MXRA7: variants seen among roughly 807,000 people sequenced by gnomAD.
MXRA7 encodes matrix-remodeling-associated protein 7.
MXRA7 carries 18 observed loss-of-function variants against 17.4 expected under a neutral mutation model. The ratio of observed to expected loss-of-function variants is 1.03; its 90% CI spans 0.71 to 1.53. The LOEUF is 1.53. MXRA7 is among the 40% of genes most tolerant of loss of function. The pLI, the probability that MXRA7 is intolerant of heterozygous loss-of-function variation, is 0.00. For missense variants in MXRA7, 141 were observed against 209.3 expected (o/e 0.67, Z 2.01); for synonymous variants, 70 against 101.7 (o/e 0.69, Z 1.87).
chr17:76,695,639 C>T lies in MXRA7; in HGVS notation c.343-7463G>A, dbSNP rs182491772. ...GGCCTCAGAGTGGATGAGAAAGCCA[C>T]GCTGGGTCCGAGATGGGCTTGCCAG... On this transcript the variant is annotated intron_variant, in intron 1 of 3. Coordinates refer to ENST00000449428, the MANE Select transcript of MXRA7 (RefSeq NM_198530.4). Among the ~76,000 whole-genome samples, 8 of 152,224 alleles carry T rather than the reference C, an allele frequency of 5.3e-5. No homozygotes were observed. In the East Asian group the frequency reaches 1.4e-3, roughly 26 times the overall value.
At chr17:76,700,218 C>T (rs1158575449) in intron 1 of MXRA7, among the ~76,000 whole-genome samples, 4 of 152,084 alleles carry the variant, frequency 2.6e-5, no homozygotes, top group Non-Finnish European at 4.4e-5. Context: ...GTGATCTGCT[C>T]GCCTCAGCCT....
At chr17:76,697,255 A>C (rs2076542174) in intron 1 of MXRA7, among the ~76,000 whole-genome samples, 3 of 152,148 alleles carry the variant, frequency 2.0e-5, no homozygotes, top group Non-Finnish European at 4.4e-5. Context: ...CAGAGGAAAG[A>C]CCATGTGAGG....
intron 3 of MXRA7, among the ~76,000 whole-genome samples, chr17:76,683,574 G>A (rs1476644658): frequency 6.6e-6 from 1 of 152,184 alleles, no homozygotes; most frequent in African/African-American, 2.4e-5. Context: ...GCCTTGCGAG[G>A]GGGCGCTAGC....
intron 1 of MXRA7, among the ~76,000 whole-genome samples, chr17:76,693,157 C>T (rs183792748): frequency 6.6e-6 from 1 of 152,168 alleles, no homozygotes; most frequent in Non-Finnish European, 1.5e-5. Flanking sequence ...TCTGGGGACA[C>T]CCCTGTATCC....
chr17:76,688,456 G>A (rs2076434002), intron 1 of MXRA7: 3 of 1,352,174 alleles, frequency 2.2e-6, no homozygotes, highest in East Asian at 5.7e-5. Flanking sequence ...TGCCTGTTGA[G>A]GCTTCTGTGT....
chr17:76,693,910 A>T (rs1375296269), intron 1 of MXRA7, among the ~76,000 whole-genome samples: 2 of 152,348 alleles, frequency 1.3e-5, no homozygotes, highest in East Asian at 3.9e-4. Context: ...TATATACAGG[A>T]TGTAATTTAA....
chr17:76,681,722 G>A lies in MXRA7; in HGVS notation c.501-843C>T, dbSNP rs1412961855. ...TTTTCCCTCTGAGACCACAAGGTGGGAAGAAGTGATGGAGAGGAGCTGACA... is the reference window on the plus strand; with the variant it reads ...TTTTCCCTCTGAGACCACAAGGTGGAAAGAAGTGATGGAGAGGAGCTGACA... On this transcript the variant is annotated intron_variant, in intron 3 of 3. Coordinates refer to ENST00000449428, the MANE Select transcript of MXRA7 (RefSeq NM_198530.4). The surrounding 1 kb of genome is among the most constrained non-coding windows in gnomAD (Gnocchi z 4.7). Among the ~76,000 whole-genome samples the A allele has an allele frequency of 1.3e-5, 2 of 152,206 alleles. No homozygotes were observed. Among genetic ancestry groups the A allele is most frequent in the African/African-American group, 4.8e-5 (2 of 41,454 alleles).
downstream of MXRA7, among the ~76,000 whole-genome samples, chr17:76,678,283 A>G (rs1273445174): frequency 1.3e-5 from 2 of 152,198 alleles, no homozygotes; most frequent in Non-Finnish European, 2.9e-5. Context: ...AAGATACCCT[A>G]TGGCAGGTGG....
intron 3 of MXRA7, 64 bp from the exon 4 acceptor site, chr17:76,680,943 A>G: frequency 7.5e-7 from 1 of 1,336,526 alleles, no homozygotes; most frequent in East Asian, 2.4e-5. Context: ...CACCATGGGC[A>G]AGGAAAGGGG....
chr17:76,676,210 C>T (rs182958316), downstream of MXRA7: 4 of 152,328 alleles, frequency 2.6e-5, no homozygotes, highest in African/African-American at 9.6e-5. Context: ...TCTTTCCCTG[C>T]ACACAGGCTT....
intron 1 of MXRA7, 145 bp downstream of exon 1, chr17:76,710,460 C>T (rs1358351897): frequency 1.8e-5 from 11 of 626,020 alleles, no homozygotes; most frequent in Admixed American, 4.8e-5. Flanking sequence ...GCGGGACCTG[C>T]ATTTCCTGCG....
intron 1 of MXRA7, among the ~76,000 whole-genome samples, chr17:76,693,572 G>A (rs1170833892): frequency 6.6e-6 from 1 of 151,666 alleles, no homozygotes; most frequent in Non-Finnish European, 1.5e-5. Context: ...GGGGCCAGGT[G>A]AGGTGGCTCA....
intron 1 of MXRA7, among the ~76,000 whole-genome samples, chr17:76,695,375 T>TGTGTGTGC (rs907558983): frequency 6.6e-6 from 1 of 151,806 alleles, no homozygotes; most frequent in South Asian, 2.1e-4. Context: ...TGTGTGTGTG[T>TGTGTGTGC]GTGCAACGGG....
At chr17:76,685,314 C>CCT (rs1203021076) in intron 2 of MXRA7, 149 bp from the exon 3 acceptor site, 1 of 634,536 alleles carries the variant, frequency 1.6e-6, no homozygotes, top group Non-Finnish European at 2.8e-6. Context: ...GCCTATACCC[C>CCT]CTCTCGTTCC....
rs117629847 is a variant in MXRA7 at position 76,709,672 on chromosome 17, G to A, written c.342+933C>T. On this transcript the variant is annotated intron_variant, in intron 1 of 3. Transcript: ENST00000449428. ...CCCTTCCAAGAAAAGGAGCTCAGGG[G>A]TAAGAACAAGGGATTACAATCCGAC... 963 of 153,232 alleles carry A rather than the reference G, an allele frequency of 6.3e-3. 6 individuals are homozygous for A. The highest frequency in any genetic ancestry group is 9.1e-3 in the Non-Finnish European group (624 of 68,516). The allele number at this position is 153,232 out of a possible 1,614,324, so 9.5% of individuals were successfully genotyped here. A position where few individuals can be genotyped will look rare whatever the true frequency, so the allele number is the denominator to read the frequency against.
chr17:76,684,025 G>A, intron 3 of MXRA7: 1 of 954,444 alleles, frequency 1.0e-6, no homozygotes. Context: ...TCCTGGCTGT[G>A]CTTACACTGC....
chr17:76,682,790 C>T (rs906847517), intron 3 of MXRA7, among the ~76,000 whole-genome samples: 1 of 152,130 alleles, frequency 6.6e-6, no homozygotes, highest in Non-Finnish European at 1.5e-5. Context: ...GTCCTCCGGC[C>T]CCTCCTTCTC....
intron 1 of MXRA7, 179 bp from the exon 2 acceptor site, chr17:76,688,355 G>A (rs1036630831): frequency 2.1e-6 from 3 of 1,438,580 alleles, no homozygotes; most frequent in Admixed American, 2.8e-5. Flanking sequence ...TACAAACGAT[G>A]GGCCAAAGTG....
intron 1 of MXRA7, chr17:76,688,727 G>T: frequency 8.3e-7 from 1 of 1,197,920 alleles, no homozygotes; most frequent in Non-Finnish European, 1.0e-6. Context: ...CAGAGGAATG[G>T]CCCGGGATGG....
Sources: gnomAD v4.1 joint callset for allele counts (sites outside exome capture counted in the v4.1 genomes callset) on GRCh38, gnomAD v4.1.1 for gene constraint, Gnocchi (gnomAD v3.1) non-coding constraint, MANE v1.5 for transcripts, NCBI Gene and HGNC (gene_info 2026-07-23, HGNC 2026-07-21) for gene names.